CAPN2: variants seen among roughly 807,000 people sequenced by gnomAD.
The protein encoded by CAPN2 is calpain 2.
CAPN2 carries 92 observed loss-of-function variants against 102.3 expected under a neutral mutation model. The ratio of observed to expected loss-of-function variants is 0.90; its 90% CI spans 0.76 to 1.07. The LOEUF (loss-of-function observed/expected upper bound fraction) is 1.07. Ranked by LOEUF, CAPN2 falls within the 50% of genes least tolerant of loss-of-function variation. The pLI, the probability that CAPN2 is intolerant of heterozygous loss-of-function variation, is 0.00. For missense variants in CAPN2, 800 were observed against 909.4 expected (o/e 0.88, Z 1.55); for synonymous variants, 340 against 355.4 (o/e 0.96, Z 0.49).
chr1:223,716,734 CA>C (rs1213234821), intron 1 of CAPN2, among the ~76,000 whole-genome samples: 1 of 151,992 alleles, frequency 6.6e-6, no homozygotes, highest in African/African-American at 2.4e-5. Flanking sequence ...ATTTGTGCCC[CA>C]ACTTCCTCTG....
chr1:223,761,714 A>C, intron 13 of CAPN2, 97 bp downstream of exon 13: 3 of 1,001,404 alleles, frequency 3.0e-6, no homozygotes, highest in South Asian at 2.8e-5. Context: ...TTCACGAACA[A>C]AGCCTGAAAC....
intron 1 of CAPN2, among the ~76,000 whole-genome samples, chr1:223,702,078 G>GAAA (rs2102763820): frequency 2.4e-5 from 1 of 41,522 alleles, no homozygotes; most frequent in African/African-American, 6.4e-5. Flanking sequence ...AGGGAGGGAG[G>GAAA]GAGGGAGGGA....
chr1:223,734,928 C>T (rs1274255501), intron 2 of CAPN2, among the ~76,000 whole-genome samples: 5 of 152,146 alleles, frequency 3.3e-5, no homozygotes. Context: ...AGGATTTGAA[C>T]TCCATGGTCT....
chr1:223,772,632 G>A (rs1153948), intron 20 of CAPN2: 98,739 of 197,460 alleles, frequency 0.5, 27,611 homozygotes, highest in African/African-American at 0.81. Context: ...CATTCTTAGA[G>A]TGGATCTACT....
At chr1:223,735,114 A>G (rs1234781602) in intron 2 of CAPN2, among the ~76,000 whole-genome samples, 2 of 152,154 alleles carry the variant, frequency 1.3e-5, no homozygotes, top group African/African-American at 4.8e-5. Flanking sequence ...GATCCTAACA[A>G]CCTGCCGAGG....
At chr1:223,709,264 A>T (rs1659678681), upstream of CAPN2, among the ~76,000 whole-genome samples, 1 of 152,222 alleles carries the variant, frequency 6.6e-6, no homozygotes, top group Non-Finnish European at 1.5e-5. Flanking sequence ...GGTGTCAGAG[A>T]CAAGAATAGA....
chr1:223,739,701 A>G (rs1441599227), intron 2 of CAPN2, among the ~76,000 whole-genome samples: 1 of 152,210 alleles, frequency 6.6e-6, no homozygotes, highest in East Asian at 1.9e-4. Flanking sequence ...AAATGAGCAC[A>G]AGGAAAATAC....
chr1:223,732,023 C>T (rs1274994047), intron 2 of CAPN2, among the ~76,000 whole-genome samples: 2 of 152,114 alleles, frequency 1.3e-5, no homozygotes, highest in Admixed American at 6.5e-5. Context: ...GGCTCTTGCT[C>T]TAAAGACACC....
Position 223,764,178 on chromosome 1 carries a change from A to T in CAPN2, c.1661A>T (p.Gln554Leu), listed in dbSNP as rs757920589. ...EDAEISAFEL[Q>L]TILRRVLAKR... ...GCGGAGATCTCTGCCTTTGAGCTGC[A>T]GACCATCCTGAGAAGGGTTCTAGCA... Residue 554 changes from glutamine (Q) to leucine (L), a missense_variant, in exon 15 of 21, where the codon CAG becomes CTG. Gln to Leu is a moderately radical substitution (Grantham distance 113). Coordinates refer to ENST00000295006, the MANE Select transcript of CAPN2 (RefSeq NM_001748.5). 6.2e-7 allele frequency: 1 copy of T among 1,614,000 alleles called. No individual in the cohort carries two copies. The highest frequency in any genetic ancestry group is 1.1e-5 in the South Asian group (1 of 91,078).
At chr1:223,741,832 A>G (rs943859136) in intron 2 of CAPN2, among the ~76,000 whole-genome samples, 1 of 151,816 alleles carries the variant, frequency 6.6e-6, no homozygotes, top group Non-Finnish European at 1.5e-5. Context: ...GCTGGAGTGC[A>G]GTGGCGTGAT....
chr1:223,737,600 G>C (rs751208304), intron 2 of CAPN2, among the ~76,000 whole-genome samples: 1 of 151,256 alleles, frequency 6.6e-6, no homozygotes, highest in African/African-American at 2.4e-5. Flanking sequence ...AGGCAGATGA[G>C]AGATGGGAGT....
chr1:223,753,564 T>C (rs549785600), intron 9 of CAPN2, among the ~76,000 whole-genome samples: 1 of 152,390 alleles, frequency 6.6e-6, no homozygotes, highest in Admixed American at 6.5e-5. Flanking sequence ...CTGCCAATTA[T>C]GGGGCACACC....
At chr1:223,742,513 TATATA>T (rs1288248558) in intron 2 of CAPN2, among the ~76,000 whole-genome samples, 4 of 111,426 alleles carry the variant, frequency 3.6e-5, no homozygotes, top group East Asian at 5.7e-4. Context: ...TATATATATA[TATATA>T]TTTTTTTTTT....
intron 2 of CAPN2, 89 bp downstream of exon 2, chr1:223,717,920 T>C: frequency 1.0e-6 from 1 of 974,908 alleles, no homozygotes; most frequent in South Asian, 1.3e-5. Context: ...CTTCTCTCCC[T>C]TCCCAAGCAG....
At chr1:223,774,698 T>C (rs1190869272) in intron 20 of CAPN2, 136 bp from the exon 21 acceptor site, 1 of 715,976 alleles carries the variant, frequency 1.4e-6, no homozygotes, top group Admixed American at 2.5e-5. Flanking sequence ...AAGAAAAATA[T>C]GAGTTAGTGC....
rs1661201072 is a variant in CAPN2, at chr1:223,762,063, G to C, written c.1567-123G>C. 3 of 711,574 alleles carry C rather than the reference G, an allele frequency of 4.2e-6. No homozygotes were observed. In the South Asian group the frequency reaches 5.4e-5, roughly 13 times the overall value. The allele number at this position is 711,574 out of a possible 1,614,324, so 44.1% of individuals were successfully genotyped here. A position where few individuals can be genotyped will look rare whatever the true frequency, so the allele number is the denominator to read the frequency against. ...CCTGATCTTAACCCAAATCACCGTAGAATTTGGGCCCCAGGGAGGGGTAGA... is the reference window on the plus strand; with the variant it reads ...CCTGATCTTAACCCAAATCACCGTACAATTTGGGCCCCAGGGAGGGGTAGA... On this transcript the variant is annotated intron_variant, in intron 13 of 20. Transcript: ENST00000295006.
At chr1:223,757,087 G>A (rs1661054271) in intron 10 of CAPN2, among the ~76,000 whole-genome samples, 1 of 152,184 alleles carries the variant, frequency 6.6e-6, no homozygotes, top group Non-Finnish European at 1.5e-5. Flanking sequence ...TCCCTGCGTG[G>A]GAGGCCGATA....
Position 223,756,283 on chromosome 1 carries a change from C to G in CAPN2, c.1305+634C>G, listed in dbSNP as rs573103257. ...TCACCCAACACGCTGGGCCCCTGGG[C>G]TCTCCCCACTCCCTTCTGCAAAACA... On this transcript the variant is annotated intron_variant, in intron 10 of 20. Coordinates refer to ENST00000295006, the MANE Select transcript of CAPN2 (RefSeq NM_001748.5). This position sits in a 1 kb window ranked among gnomAD's most constrained non-coding sequence, Gnocchi z 4.1. Among the ~76,000 whole-genome samples the G allele has an allele frequency of 6.6e-6, 1 of 152,340 alleles. No individual in the cohort carries two copies. Among genetic ancestry groups the G allele is most frequent in the South Asian group, 2.1e-4 (1 of 4,832 alleles).
In CAPN2 at chr1:223,759,350, C is replaced by A; in HGVS notation, c.1398C>A (p.Ile466=). ...CCAGGGAGCGCTCAGACACCTTCATCAACCTCCGGGAGGTGCTCAACCGCT... is the reference window on the plus strand; with the variant it reads ...CCAGGGAGCGCTCAGACACCTTCATAAACCTCCGGGAGGTGCTCAACCGCT... ...NRARERSDTF[I]NLREVLNRFK... is the part of the protein sequence containing the mutation. Residue 466 remains isoleucine, a synonymous_variant, in exon 12 of 21, where the codon ATC becomes ATA. Transcript: ENST00000295006. The surrounding 1 kb of genome is among the most constrained non-coding windows in gnomAD (Gnocchi z 4.6). 6.2e-7 allele frequency: 1 copy of A among 1,614,244 alleles called. No homozygotes were observed. Among genetic ancestry groups the A allele is most frequent in the Non-Finnish European group, 8.5e-7 (1 of 1,180,038 alleles).
Sources: allele counts gnomAD v4.1 joint callset (sites outside exome capture counted in the v4.1 genomes callset), GRCh38; gene constraint gnomAD v4.1.1; non-coding constraint Gnocchi (gnomAD v3.1); transcripts MANE v1.5; gene names NCBI Gene and HGNC (gene_info 2026-07-23, HGNC 2026-07-21).